Variants in PAFAH1B1 observed in about 807,000 individuals in gnomAD.
PAFAH1B1 encodes the protein platelet activating factor acetylhydrolase 1b regulatory subunit 1, also known as platelet-activating factor acetylhydrolase IB subunit beta.
Under a neutral mutation model 57.5 loss-of-function variants are expected in PAFAH1B1, and 2 were observed. The ratio of observed to expected loss-of-function variants is 0.03; its 90% confidence interval spans 0.01 to 0.11. The LOEUF is 0.11. PAFAH1B1 is among the 10% of genes least tolerant of loss of function. The pLI is 1.00. For missense variants in PAFAH1B1, 257 were observed against 512.0 expected, an observed-to-expected ratio of 0.50 and a Z score of 4.81; for synonymous variants, 152 against 169.6, an observed-to-expected ratio of 0.90 and a Z score of 0.81.
At chr17:2,613,652 C>G (rs553417024) in intron 1 of PAFAH1B1, 2 of 297,400 alleles carry the variant, frequency 6.7e-6, no homozygotes, top group African/African-American at 4.4e-5. Context: ...AGTATACTCT[C>G]CACAGCCAGA....
intron 2 of PAFAH1B1, among the ~76,000 whole-genome samples, chr17:2,653,984 A>G (rs553790409): frequency 4.0e-5 from 6 of 149,180 alleles, no homozygotes; most frequent in East Asian, 2.0e-4. Flanking sequence ...AATTTTTTCT[A>G]TTTTTAGTAG....
In PAFAH1B1 at chr17:2,622,539, C is replaced by G. The variant is rs994380978; in HGVS notation, c.-190-15560C>G. Among the ~76,000 whole-genome samples, 3 of 152,214 alleles carry G rather than the reference C, an allele frequency of 2.0e-5. No homozygotes were observed. In the South Asian group the frequency reaches 6.2e-4, roughly 32 times the overall value. ...GTCTCAGATCCAGGTCACGCTGATGCAAGAGGTGGGTTCCCATGGTCTTGG... is the reference window on the plus strand; with the variant it reads ...GTCTCAGATCCAGGTCACGCTGATGGAAGAGGTGGGTTCCCATGGTCTTGG... On this transcript the variant is annotated intron_variant, in intron 1 of 10. Coordinates refer to ENST00000397195, the MANE Select transcript of PAFAH1B1 (RefSeq NM_000430.4).
intron 1 of PAFAH1B1, among the ~76,000 whole-genome samples, chr17:2,632,869 C>T (rs2068572838): frequency 6.6e-6 from 1 of 152,052 alleles, no homozygotes; most frequent in Non-Finnish European, 1.5e-5. Context: ...AACCATTGCC[C>T]CATGGATACT....
intron 1 of PAFAH1B1, among the ~76,000 whole-genome samples, chr17:2,632,629 A>G (rs2068569240): frequency 1.3e-5 from 2 of 152,198 alleles, no homozygotes; most frequent in Non-Finnish European, 2.9e-5. Context: ...AGAAAATATT[A>G]GAAAAAAATA....
chr17:2,606,850 C>T (rs545185742), intron 1 of PAFAH1B1, among the ~76,000 whole-genome samples: 10 of 124,640 alleles, frequency 8.0e-5, no homozygotes, highest in Non-Finnish European at 1.3e-4. Context: ...GACGGAGTCT[C>T]GCTCTGTCGC....
intron 1 of PAFAH1B1, among the ~76,000 whole-genome samples, chr17:2,605,727 C>T (rs1352146391): frequency 6.6e-6 from 1 of 152,128 alleles, no homozygotes; most frequent in African/African-American, 2.4e-5. Context: ...AGTTCGTAAT[C>T]TTATAATAAG....
Position 2,679,663 on chromosome 17 carries a change from T to G in PAFAH1B1, c.1003-501T>G, listed in dbSNP as rs1343288947. On this transcript the variant is annotated intron_variant, in intron 9 of 10. Coordinates refer to ENST00000397195, the MANE Select transcript of PAFAH1B1 (RefSeq NM_000430.4). ...ATGGATGGATGGATGGATGGATGGATGGATGGATATATAGATATATAGTGA... is the reference window on the plus strand; with the variant it reads ...ATGGATGGATGGATGGATGGATGGAGGGATGGATATATAGATATATAGTGA... 3 of 155,908 alleles carry G rather than the reference T, an allele frequency of 1.9e-5. No individual in the cohort carries two copies. The East Asian group carries it at 5.7e-4, about 30-fold the overall frequency. The allele number at this position is 155,908 out of a possible 1,614,324, so 9.7% of individuals were successfully genotyped here.
chr17:2,663,821 A>T (rs1276117484), intron 2 of PAFAH1B1, among the ~76,000 whole-genome samples: 1 of 151,852 alleles, frequency 6.6e-6, no homozygotes, highest in Non-Finnish European at 1.5e-5. Flanking sequence ...CAGTCTTCCA[A>T]GTAGCTGGGA....
intron 5 of PAFAH1B1, among the ~76,000 whole-genome samples, chr17:2,668,053 G>A (rs372850833): frequency 5.3e-5 from 8 of 151,914 alleles, no homozygotes; most frequent in African/African-American, 9.7e-5. Flanking sequence ...GGCCGGGCAC[G>A]GTGGCTCACG....
intron 1 of PAFAH1B1, among the ~76,000 whole-genome samples, chr17:2,617,918 A>C (rs2068368201): frequency 6.8e-6 from 1 of 146,768 alleles, no homozygotes; most frequent in South Asian, 2.2e-4. Flanking sequence ...AGCGAGACTC[A>C]GTCCCGCATC....
intron 1 of PAFAH1B1, among the ~76,000 whole-genome samples, chr17:2,595,029 C>T (rs1235423723): frequency 6.6e-6 from 1 of 152,110 alleles, no homozygotes. Flanking sequence ...GGGAAGAGGG[C>T]AGGAAATTTT....
At chr17:2,631,326 T>G (rs975404813) in intron 1 of PAFAH1B1, among the ~76,000 whole-genome samples, 1 of 152,110 alleles carries the variant, frequency 6.6e-6, no homozygotes, top group East Asian at 1.9e-4. Flanking sequence ...GGGCTTTAGT[T>G]CTTCCGTAGT....
In PAFAH1B1 at chr17:2,664,665, G is replaced by GCGCGCTCTCTCTCTCTCT; in HGVS notation, c.33-706_33-705insGCGCTCTCTCTCTCTCTC. 8.8e-4 allele frequency among the ~76,000 whole-genome samples: 76 copies of GCGCGCTCTCTCTCTCTCT among 86,076 alleles called. 1 individual carries two copies. The highest frequency in any genetic ancestry group is 2.1e-3 in the East Asian group (7 of 3,260). 56.5% of individuals were successfully genotyped at this position (86,076 alleles called of 152,430 possible). A position where few individuals can be genotyped will look rare whatever the true frequency, so the allele number is the denominator to read the frequency against. On this transcript the variant is annotated intron_variant, in intron 2 of 10. Coordinates refer to ENST00000397195, the MANE Select transcript of PAFAH1B1 (RefSeq NM_000430.4). Reference sequence around the variant, plus strand: ...TGATATATATCTATATCTATCTATCGCTCTCTCTCTCTCTCTCTCTCTCTC... The same window carrying GCGCGCTCTCTCTCTCTCT: ...TGATATATATCTATATCTATCTATCGCGCGCTCTCTCTCTCTCTCTCTCTCTCTCTCTCTCTCTCTCTC...
In PAFAH1B1 at chr17:2,624,660, G is replaced by A. The variant is rs186636814; in HGVS notation, c.-190-13439G>A. Among the ~76,000 whole-genome samples, 613 of 152,230 alleles carry A rather than the reference G, an allele frequency of 4.0e-3. 3 individuals carry two copies. The highest frequency in any genetic ancestry group is 0.014 in the African/African-American group (577 of 41,536). ...AGTTACCTCCCGCTGGGTCCCTTCC[G>A]TAACACATGGGAATTCTGGGAGATA... On this transcript the variant is annotated intron_variant, in intron 1 of 10. Coordinates refer to ENST00000397195, the MANE Select transcript of PAFAH1B1 (RefSeq NM_000430.4).
chr17:2,666,857 C>A, intron 4 of PAFAH1B1, 135 bp from the exon 5 acceptor site: 1 of 634,378 alleles, frequency 1.6e-6, no homozygotes. Context: ...TTAAATTTGA[C>A]AAATGCTTTG....
At chr17:2,648,020 A>AATAC (rs1408927930) in intron 2 of PAFAH1B1, among the ~76,000 whole-genome samples, 2 of 152,064 alleles carry the variant, frequency 1.3e-5, no homozygotes, top group Non-Finnish European at 2.9e-5. Context: ...TAAATAAATA[A>AATAC]ATAAATAAAG....
At chr17:2,664,702 C>CTCTCTCTCTCTCTCTCTCTCTCTCTCT (rs1597567320) in intron 2 of PAFAH1B1, among the ~76,000 whole-genome samples, 12 of 144,380 alleles carry the variant, frequency 8.3e-5, no homozygotes, top group Non-Finnish European at 1.4e-4. Flanking sequence ...CTTTCTCTCT[C>CTCTCTCTCTCTCTCTCTCTCTCTCTCT]CATCTATAAA....
intron 2 of PAFAH1B1, among the ~76,000 whole-genome samples, chr17:2,654,410 A>C (rs183166985): frequency 1.8e-3 from 266 of 150,288 alleles, no homozygotes; most frequent in African/African-American, 5.9e-3. Context: ...AACTGACCTC[A>C]GGTGATCGCC....
At chr17:2,678,284 C>T (rs1471919815) in intron 9 of PAFAH1B1, among the ~76,000 whole-genome samples, 1 of 151,916 alleles carries the variant, frequency 6.6e-6, no homozygotes, top group Non-Finnish European at 1.5e-5. Context: ...GCCTGTAATC[C>T]CAGCTACTTG....
Sources: allele counts gnomAD v4.1 joint callset (sites outside exome capture counted in the v4.1 genomes callset), GRCh38; gene constraint gnomAD v4.1.1; transcripts MANE v1.5; gene names NCBI Gene and HGNC (gene_info 2026-07-23, HGNC 2026-07-21).